RASA2: variants seen among roughly 807,000 people sequenced by gnomAD.
RASA2 encodes the protein RAS p21 protein activator 2, also known as ras GTPase-activating protein 2.
Under a neutral mutation model 118.2 loss-of-function variants are expected in RASA2, and 155 were observed. That is an observed-to-expected ratio of 1.31 (90% CI 1.15 to 1.50). The LOEUF (loss-of-function observed/expected upper bound fraction) is 1.50. Ranked by LOEUF, RASA2 falls within the 40% of genes most tolerant of loss-of-function variation. RASA2 has a pLI of 0.00. For synonymous variants in RASA2, 353 were observed against 349.1 expected (o/e 1.01, Z -0.12); for missense variants, 1,016 against 1,009.6 (o/e 1.01, Z -0.09).
intron 5 of RASA2, among the ~76,000 whole-genome samples, chr3:141,550,495 T>C (rs1029137769): frequency 2.0e-5 from 3 of 152,234 alleles, no homozygotes. Context: ...AAAAGGACAT[T>C]GGTGAAATTT....
chr3:141,562,203 C>T lies in RASA2; in HGVS notation c.863+2208C>T, dbSNP rs1405157802. ...TCCTGACCTCGTGATCCGCCCACTT[C>T]GGCCTCCCAAAGTGCTGGGATTGTG... On this transcript the variant is annotated intron_variant, in intron 9 of 23. Transcript: ENST00000286364. 4.6e-5 allele frequency among the ~76,000 whole-genome samples: 7 copies of T among 151,376 alleles called. No individual in the cohort carries two copies. In the East Asian group the frequency reaches 1.2e-3, roughly 25 times the overall value.
chr3:141,544,156 G>T (rs1397942114), intron 5 of RASA2, among the ~76,000 whole-genome samples: 1 of 152,012 alleles, frequency 6.6e-6, no homozygotes, highest in Non-Finnish European at 1.5e-5. Context: ...GGTTATAGGT[G>T]TAAGCCACCA....
chr3:141,598,170 GA>G (rs2083405636), intron 19 of RASA2, among the ~76,000 whole-genome samples: 1 of 152,012 alleles, frequency 6.6e-6, no homozygotes, highest in South Asian at 2.1e-4. Context: ...AAAACAGAGG[GA>G]AAGAATACTT....
chr3:141,522,985 G>A (rs1480523475), intron 3 of RASA2, among the ~76,000 whole-genome samples: 3 of 152,090 alleles, frequency 2.0e-5, no homozygotes, highest in Admixed American at 6.6e-5. Flanking sequence ...CTGGGTTGGC[G>A]GAACACTGGC....
At chr3:141,596,084 A>G (rs901822872) in intron 19 of RASA2, among the ~76,000 whole-genome samples, 3 of 152,188 alleles carry the variant, frequency 2.0e-5, no homozygotes, top group Non-Finnish European at 2.9e-5. Flanking sequence ...TTCTTTTGAA[A>G]TGTGCATTGG....
intron 1 of RASA2, among the ~76,000 whole-genome samples, chr3:141,498,526 T>A (rs552295217): frequency 6.6e-6 from 1 of 152,276 alleles, no homozygotes; most frequent in East Asian, 1.9e-4. Context: ...CTTATGTGGG[T>A]TTGTATGTAC....
chr3:141,518,901 T>C (rs1351506513), intron 3 of RASA2, among the ~76,000 whole-genome samples: 1 of 152,192 alleles, frequency 6.6e-6, no homozygotes, highest in African/African-American at 2.4e-5. Context: ...CCTTTCCCCA[T>C]ATCATTAATA....
chr3:141,495,365 C>CT (rs749908883), intron 1 of RASA2, among the ~76,000 whole-genome samples: 63 of 152,186 alleles, frequency 4.1e-4, no homozygotes, highest in Non-Finnish European at 6.8e-4. Flanking sequence ...TTATGCCTCT[C>CT]TATTTATTAT....
intron 19 of RASA2, among the ~76,000 whole-genome samples, chr3:141,591,430 T>C (rs980742778): frequency 2.0e-5 from 3 of 152,180 alleles, no homozygotes; most frequent in African/African-American, 7.2e-5. Context: ...TACGTGGCAT[T>C]ACTGTGTGGT....
At chr3:141,537,360 T>A (rs2082342442) in intron 4 of RASA2, among the ~76,000 whole-genome samples, 1 of 152,274 alleles carries the variant, frequency 6.6e-6, no homozygotes, top group Non-Finnish European at 1.5e-5. Flanking sequence ...GCTACTCTGC[T>A]ACTAAATACA....
Position 141,545,883 on chromosome 3 carries a change from C to T in RASA2, c.527+5274C>T, listed in dbSNP as rs561834652. Among the ~76,000 whole-genome samples the T allele has an allele frequency of 1.6e-4, 25 of 152,180 alleles. No individual in the cohort carries two copies. The South Asian group carries it at 4.8e-3, about 29-fold the overall frequency. On this transcript the variant is annotated intron_variant, in intron 5 of 23. Coordinates refer to ENST00000286364, the MANE Select transcript of RASA2 (RefSeq NM_006506.5). ...ACTTCCCGTCCCAGCCCCTGGAAAA[C>T]TTTGTTCTACTCTCTGTTATCATGA...
intron 4 of RASA2, among the ~76,000 whole-genome samples, chr3:141,537,056 G>A (rs1402264283): frequency 6.6e-6 from 1 of 151,854 alleles, no homozygotes; most frequent in Non-Finnish European, 1.5e-5. Context: ...CTCCTTGTTG[G>A]ATTCTTAATG....
chr3:141,580,279 G>A (rs2083090114), intron 15 of RASA2, 89 bp from the exon 16 acceptor site: 1 of 958,688 alleles, frequency 1.0e-6, no homozygotes. Context: ...TTGTTTTACA[G>A]CAATGTAGTC....
intron 19 of RASA2, among the ~76,000 whole-genome samples, chr3:141,591,239 A>G (rs185295509): frequency 6.6e-6 from 1 of 152,342 alleles, no homozygotes; most frequent in Non-Finnish European, 1.5e-5. Context: ...GCATGCTTTT[A>G]CATTCATGCT....
At chr3:141,489,041 A>G (rs1329117990) in intron 1 of RASA2, among the ~76,000 whole-genome samples, 1 of 152,254 alleles carries the variant, frequency 6.6e-6, no homozygotes, top group African/African-American at 2.4e-5. Context: ...GTTAAAAAAA[A>G]GAAAAACAAA....
At chr3:141,513,491 T>C (rs1251454897) in intron 2 of RASA2, among the ~76,000 whole-genome samples, 2 of 152,348 alleles carry the variant, frequency 1.3e-5, no homozygotes, top group East Asian at 1.9e-4. Context: ...TATAATTGTT[T>C]AGAAAATAAT....
chr3:141,547,359 G>A, intron 5 of RASA2, among the ~76,000 whole-genome samples: 1 of 151,990 alleles, frequency 6.6e-6, no homozygotes, highest in East Asian at 1.9e-4. Flanking sequence ...ATTTTTGAGT[G>A]TCCTCTTCAA....
rs147031361 is a variant in RASA2 at position 141,597,359 on chromosome 3, G to A, written c.1934-10319G>A. Among the ~76,000 whole-genome samples, 439 of 152,274 alleles carry A rather than the reference G, an allele frequency of 2.9e-3. 13 individuals are homozygous for A. The highest frequency in any genetic ancestry group is 0.025 in the Admixed American group (385 of 15,292). On this transcript the variant is annotated intron_variant, in intron 19 of 23. Coordinates refer to ENST00000286364, the MANE Select transcript of RASA2 (RefSeq NM_006506.5). ...AAAGAAGTCAGAGCCAAGAAATTACGTACTGCATGATTCCATTTATACGAA... is the reference window on the plus strand; with the variant it reads ...AAAGAAGTCAGAGCCAAGAAATTACATACTGCATGATTCCATTTATACGAA...
chr3:141,541,763 T>G (rs562228080), intron 5 of RASA2, among the ~76,000 whole-genome samples: 1 of 152,142 alleles, frequency 6.6e-6, no homozygotes, highest in Non-Finnish European at 1.5e-5. Flanking sequence ...CATGGAATAG[T>G]TTTTTGCTTT....
Sources: gnomAD v4.1 joint callset for allele counts (sites outside exome capture counted in the v4.1 genomes callset) on GRCh38, gnomAD v4.1.1 for gene constraint, MANE v1.5 for transcripts, NCBI Gene and HGNC (gene_info 2026-07-23, HGNC 2026-07-21) for gene names.